SLAIN2: variants seen among roughly 807,000 people sequenced by gnomAD.
The protein encoded by SLAIN2 is SLAIN motif-containing protein 2.
Under a neutral mutation model 56.6 loss-of-function variants are expected in SLAIN2, and 31 were observed. The observed-to-expected ratio is 0.55, with a 90% confidence interval of 0.41 to 0.74. The LOEUF (loss-of-function observed/expected upper bound fraction) is 0.74, where lower values mean the gene tolerates loss of function less well. Among genes scored for constraint, SLAIN2 ranks in the 30% least tolerant of loss-of-function variants. The probability of loss-of-function intolerance (pLI) is 0.00; values close to 1 mark genes in which losing one functional copy is unlikely to be tolerated. For synonymous variants in SLAIN2, 317 were observed against 284.9 expected (o/e 1.11, Z -1.13); for missense variants, 777 against 754.2 (o/e 1.03, Z -0.35).
intron 1 of SLAIN2, among the ~76,000 whole-genome samples, chr4:48,350,253 C>T (rs1372222590): frequency 2.0e-5 from 3 of 152,154 alleles, no homozygotes; most frequent in Admixed American, 6.5e-5. Context: ...TTGGGGCCTC[C>T]GTGTATTCAA....
At chr4:48,400,466 G>A (rs1253569293) in intron 6 of SLAIN2, among the ~76,000 whole-genome samples, 1 of 140,674 alleles carries the variant, frequency 7.1e-6, no homozygotes, top group Non-Finnish European at 1.5e-5. Flanking sequence ...GCATAATCTT[G>A]GCTCACTGCA....
intron 1 of SLAIN2, among the ~76,000 whole-genome samples, chr4:48,359,639 AAGGG>A (rs1715262663): frequency 1.3e-5 from 2 of 152,174 alleles, no homozygotes; most frequent in African/African-American, 4.8e-5. Context: ...TTGGTAGAGA[AAGGG>A]AGGTTATTAT....
chr4:48,388,565 A>T (rs1374719558), intron 6 of SLAIN2, among the ~76,000 whole-genome samples: 1 of 152,198 alleles, frequency 6.6e-6, no homozygotes, highest in Non-Finnish European at 1.5e-5. Context: ...TTTTATAGAA[A>T]GGGAACAGAG....
At chr4:48,390,135 C>T (rs1327910980) in intron 6 of SLAIN2, among the ~76,000 whole-genome samples, 9 of 145,274 alleles carry the variant, frequency 6.2e-5, no homozygotes, top group Admixed American at 4.9e-4. Context: ...GCGGCGGTGG[C>T]GTGATCACAG....
intron 1 of SLAIN2, among the ~76,000 whole-genome samples, chr4:48,348,340 G>C (rs1714924690): frequency 6.6e-6 from 1 of 152,162 alleles, no homozygotes. Context: ...GTTGAATTGG[G>C]TGAATTCTGA....
rs534339272 is a variant in SLAIN2 at position 48,351,256 on chromosome 4, A to G, written c.389+9128A>G. Among the ~76,000 whole-genome samples the G allele has an allele frequency of 2.6e-5, 4 of 152,362 alleles. No individual in the cohort carries two copies. The East Asian group carries it at 7.7e-4, about 29-fold the overall frequency. On this transcript the variant is annotated intron_variant, in intron 1 of 7. Transcript: ENST00000264313. The stretch of plus-strand genomic sequence containing the variant: ...GAATGGGATTTAATAGGTACTCTCA[A>G]GTTAGGTTTTTAGTATGCATTTAAT...
chr4:48,354,522 A>AG (rs1715103930), intron 1 of SLAIN2, among the ~76,000 whole-genome samples: 1 of 151,284 alleles, frequency 6.6e-6, no homozygotes, highest in African/African-American at 2.4e-5. Flanking sequence ...GCTGGAGTGC[A>AG]GTGGAGCAAT....
At chr4:48,387,013 T>G (rs972973782) in intron 6 of SLAIN2, among the ~76,000 whole-genome samples, 1 of 152,216 alleles carries the variant, frequency 6.6e-6, no homozygotes, top group African/African-American at 2.4e-5. Flanking sequence ...GCTTTCATAT[T>G]TAGTTTGAAC....
chr4:48,392,448 T>A (rs1442785406), intron 6 of SLAIN2, among the ~76,000 whole-genome samples: 1 of 152,216 alleles, frequency 6.6e-6, no homozygotes, highest in Non-Finnish European at 1.5e-5. Flanking sequence ...TATTGAATCC[T>A]TATTAAACTT....
At chr4:48,395,046 A>G (rs1209600982) in intron 6 of SLAIN2, among the ~76,000 whole-genome samples, 1 of 152,222 alleles carries the variant, frequency 6.6e-6, no homozygotes, top group Non-Finnish European at 1.5e-5. Context: ...GTAAAATGGG[A>G]ACACTTCCAC....
chr4:48,424,717 T>C lies in SLAIN2; in HGVS notation c.*2640T>C, dbSNP rs1022699336. The stretch of plus-strand genomic sequence containing the variant: ...TCACATTTTGTAAAACTGGGGACCA[T>C]TCATAATTGTCAGATACTTTTTAAA... On this transcript the variant is annotated 3_prime_UTR_variant, in exon 8 of 8. Transcript: ENST00000264313. 1 of 152,094 alleles carries C rather than the reference T, an allele frequency of 6.6e-6. No homozygotes were observed. Among genetic ancestry groups the C allele is most frequent in the African/African-American group, 2.4e-5 (1 of 41,446 alleles). The allele number at this position is 152,094 out of a possible 1,614,324, so 9.4% of individuals were successfully genotyped here.
At chr4:48,351,488 G>A (rs753694021) in intron 1 of SLAIN2, among the ~76,000 whole-genome samples, 2 of 152,118 alleles carry the variant, frequency 1.3e-5, no homozygotes, top group Admixed American at 6.5e-5. Flanking sequence ...ATTTGCCATT[G>A]GTTATACTTA....
intron 1 of SLAIN2, among the ~76,000 whole-genome samples, chr4:48,364,277 G>T (rs1672083741): frequency 1.0e-5 from 1 of 98,752 alleles, no homozygotes; most frequent in Non-Finnish European, 2.3e-5. Flanking sequence ...CTCAGACGAT[G>T]GGCGGCGGGG....
At chr4:48,397,789 A>T (rs957164415) in intron 6 of SLAIN2, among the ~76,000 whole-genome samples, 7 of 152,238 alleles carry the variant, frequency 4.6e-5, no homozygotes, top group Admixed American at 4.6e-4. Flanking sequence ...GTTTATTGAG[A>T]ATAATGGCTT....
chr4:48,413,837 T>C (rs940179246), intron 6 of SLAIN2, among the ~76,000 whole-genome samples: 2 of 152,198 alleles, frequency 1.3e-5, no homozygotes, highest in African/African-American at 4.8e-5. Flanking sequence ...TATCTAACTT[T>C]TGTATTGCTA....
At chr4:48,377,283 A>G (rs1234710755) in intron 2 of SLAIN2, among the ~76,000 whole-genome samples, 4 of 151,292 alleles carry the variant, frequency 2.6e-5, no homozygotes, top group Non-Finnish European at 5.9e-5. Flanking sequence ...CCCGGGTTCA[A>G]GTGATTTTCC....
intron 2 of SLAIN2, among the ~76,000 whole-genome samples, chr4:48,371,817 G>T (rs1303324967): frequency 2.0e-5 from 3 of 151,846 alleles, no homozygotes; most frequent in Admixed American, 2.0e-4. Context: ...CATGGTGTGC[G>T]CCTGTGGTCC....
intron 7 of SLAIN2, among the ~76,000 whole-genome samples, chr4:48,420,820 C>T (rs1717126952): frequency 6.6e-6 from 1 of 152,124 alleles, no homozygotes; most frequent in Non-Finnish European, 1.5e-5. Context: ...AAACTTCTAG[C>T]TACCAAGTCT....
Position 48,368,051 on chromosome 4 carries a change from C to CTTTTTTTTTTTT in SLAIN2, c.390-1796_390-1785dup, listed in dbSNP as rs36096623. Among the ~76,000 whole-genome samples the CTTTTTTTTTTTT allele has an allele frequency of 4.9e-3, 439 of 88,762 alleles. 73 individuals carry two copies. Among genetic ancestry groups the CTTTTTTTTTTTT allele is most frequent in the African/African-American group, 0.016 (307 of 18,706 alleles). The allele number at this position is 88,762 out of a possible 152,430, so 58.2% of individuals were successfully genotyped here. A position where few individuals can be genotyped will look rare whatever the true frequency, so the allele number is the denominator to read the frequency against. On this transcript the variant is annotated intron_variant, in intron 1 of 7. Transcript: ENST00000264313. The stretch of plus-strand genomic sequence containing the variant: ...TTCACTGAACGTAGTGTTTTTGAGG[C>CTTTTTTTTTTTT]TTTTTTTTTTTTTGACAGTGTTGCT...
Sources: gnomAD v4.1 joint callset for allele counts (sites outside exome capture counted in the v4.1 genomes callset) on GRCh38, gnomAD v4.1.1 for gene constraint, MANE v1.5 for transcripts, NCBI Gene and HGNC (gene_info 2026-07-23, HGNC 2026-07-21) for gene names.